ZFYVE26: variants seen among roughly 807,000 people sequenced by gnomAD.
ZFYVE26 encodes the protein zinc finger FYVE-type containing 26, also known as zinc finger FYVE domain-containing protein 26.
Under a neutral mutation model 276.5 loss-of-function variants are expected in ZFYVE26, and 181 were observed. The observed-to-expected ratio is 0.65, with a 90% CI of 0.58 to 0.74. The LOEUF (loss-of-function observed/expected upper bound fraction) is 0.74, where lower values mean the gene tolerates loss of function less well. Ranked by LOEUF, ZFYVE26 falls within the 30% of genes least tolerant of loss-of-function variation. The probability of loss-of-function intolerance (pLI) is 0.00; values close to 1 mark genes in which losing one functional copy is unlikely to be tolerated. For synonymous variants in ZFYVE26, 1,129 were observed against 1,203.1 expected (o/e 0.94, Z 1.27); for missense variants, 2,821 against 3,097.9 (o/e 0.91, Z 2.12).
chr14:67,792,054 T>C (rs1387747738), intron 14 of ZFYVE26, among the ~76,000 whole-genome samples: 2 of 139,854 alleles, frequency 1.4e-5, no homozygotes, highest in Non-Finnish European at 3.1e-5. Flanking sequence ...AGTGAGACTC[T>C]GCTTCAAAAA....
At chr14:67,761,614 T>A in intron 34 of ZFYVE26, 30 bp from the exon 35 acceptor site, 1 of 1,602,364 alleles carries the variant, frequency 6.2e-7, no homozygotes, top group Non-Finnish European at 8.5e-7. Context: ...GAGAGAAAAA[T>A]GAAACTCAAA....
intron 20 of ZFYVE26, among the ~76,000 whole-genome samples, 179 bp downstream of exon 20, chr14:67,784,155 G>A (rs1208283085): frequency 2.0e-5 from 3 of 152,128 alleles, no homozygotes; most frequent in Non-Finnish European, 2.9e-5. Flanking sequence ...TAAAGGTATC[G>A]AGAGAGAAAG....
chr14:67,762,084 G>T (rs1296910230), intron 34 of ZFYVE26, 119 bp downstream of exon 34: 12 of 1,270,204 alleles, frequency 9.4e-6, no homozygotes, highest in Non-Finnish European at 1.2e-5. Flanking sequence ...TTTTTAACCT[G>T]CTTGATGCTG....
At chr14:67,799,114 C>T in intron 10 of ZFYVE26, 2 of 1,339,476 alleles carry the variant, frequency 1.5e-6, no homozygotes, top group South Asian at 2.3e-5. Context: ...AAGACCTAGA[C>T]TAGGAGGCGT....
At chr14:67,764,585 CATT>C (rs1474052208) in intron 32 of ZFYVE26, among the ~76,000 whole-genome samples, 3 of 152,104 alleles carry the variant, frequency 2.0e-5, no homozygotes, top group Non-Finnish European at 4.4e-5. Flanking sequence ...GAGTTAAAAA[CATT>C]AGAAAAATAC....
intron 39 of ZFYVE26, among the ~76,000 whole-genome samples, chr14:67,753,000 T>C (rs962254430): frequency 6.6e-6 from 1 of 152,188 alleles, no homozygotes; most frequent in African/African-American, 2.4e-5. Context: ...CCACAGGGCC[T>C]GGGTGGAGCT....
intron 10 of ZFYVE26, among the ~76,000 whole-genome samples, chr14:67,800,466 A>G (rs762296006): frequency 2.6e-5 from 4 of 152,200 alleles, no homozygotes; most frequent in Non-Finnish European, 4.4e-5. Flanking sequence ...TATGTATTAA[A>G]TATGTCCAGT....
intron 13 of ZFYVE26, among the ~76,000 whole-genome samples, chr14:67,731,997 G>A (rs560742306): frequency 9.9e-5 from 15 of 151,560 alleles, no homozygotes; most frequent in Non-Finnish European, 1.2e-4. Context: ...CATGTTGGTG[G>A]GTGCCTGTAA....
intron 13 of ZFYVE26, among the ~76,000 whole-genome samples, chr14:67,741,087 C>T (rs2038411344): frequency 6.6e-6 from 1 of 152,118 alleles, no homozygotes; most frequent in Admixed American, 6.5e-5. Context: ...AAGAATTTGA[C>T]AAGTTAATGA....
At chr14:67,748,926 C>G (rs1256072939) in intron 41 of ZFYVE26, among the ~76,000 whole-genome samples, 2 of 152,240 alleles carry the variant, frequency 1.3e-5, no homozygotes, top group Non-Finnish European at 2.9e-5. Context: ...CTCTGACACT[C>G]TCCTCCTCAC....
At chr14:67,733,858 G>C in intron 13 of ZFYVE26, 2 of 1,592,694 alleles carry the variant, frequency 1.3e-6, no homozygotes, top group Non-Finnish European at 1.7e-6. Flanking sequence ...GCTGGTGGAA[G>C]AGCTGCAGCT....
intron 13 of ZFYVE26, among the ~76,000 whole-genome samples, chr14:67,735,808 A>T (rs2038345828): frequency 6.6e-6 from 1 of 152,340 alleles, no homozygotes; most frequent in South Asian, 2.1e-4. Flanking sequence ...ATTTCCTAAA[A>T]ATAACACTTC....
chr14:67,785,138 C>T lies in ZFYVE26; in HGVS notation c.3444G>A (p.Gln1148=). 8.1e-6 allele frequency: 13 copies of T among 1,614,222 alleles called. No individual in the cohort carries two copies. The highest frequency in any genetic ancestry group is 1.1e-5 in the Non-Finnish European group (13 of 1,180,036). The change falls in exon 19 of 42, where the codon CAG becomes CAA. Residue 1148 remains glutamine, a synonymous_variant. Transcript: ENST00000347230. ...LGKQTPSGSR[Q]MDYLGTFFSY... ...TGAAGAAGGTGCCCAAGTAGTCCAT[C>T]TGCCTGCTGCCTGATGGGGTCTGTT...
At chr14:67,761,059 A>G in intron 35 of ZFYVE26, 1 of 605,878 alleles carries the variant, frequency 1.7e-6, no homozygotes, top group East Asian at 2.8e-5. Flanking sequence ...CACAAGACTC[A>G]CACTGAGCAT....
intron 35 of ZFYVE26, among the ~76,000 whole-genome samples, chr14:67,758,933 C>T (rs1452879247): frequency 1.3e-5 from 2 of 152,134 alleles, no homozygotes; most frequent in African/African-American, 4.8e-5. Flanking sequence ...CTGCTCCCAA[C>T]AAATATGAAT....
chr14:67,766,727 T>C (rs916230333), intron 31 of ZFYVE26, among the ~76,000 whole-genome samples: 2 of 152,116 alleles, frequency 1.3e-5, no homozygotes, highest in African/African-American at 4.8e-5. Flanking sequence ...TGAAACAGGG[T>C]CTCACTCTGT....
rs1375435297 is a variant in ZFYVE26 at position 67,767,773 on chromosome 14, C to T, written c.5721G>A (p.Glu1907=). 2 of 1,614,070 alleles carry T rather than the reference C, an allele frequency of 1.2e-6. No homozygotes were observed. The highest frequency in any genetic ancestry group is 2.7e-5 in the African/African-American group (2 of 74,916). ...CTTTGAGATCCAAAATCCATTCCAC[C>T]TCATCTGCTTTGGGGACTCTCACCA... The part of the protein sequence containing the change: ...SFVVRVPKAD[E]VEWILDLKEE... The change falls in exon 31 of 42, where the codon GAG becomes GAA. Residue 1907 remains glutamate, a synonymous_variant. Transcript: ENST00000347230.
chr14:67,785,828 T>C (rs2039636218), intron 18 of ZFYVE26, 30 bp downstream of exon 18: 10 of 1,613,876 alleles, frequency 6.2e-6, no homozygotes, highest in Non-Finnish European at 8.5e-6. Flanking sequence ...AGTTCAGCTT[T>C]TATTTGTTCC....
intron 27 of ZFYVE26, among the ~76,000 whole-genome samples, chr14:67,772,599 G>A (rs2039241345): frequency 6.6e-6 from 1 of 151,982 alleles, no homozygotes. Context: ...AAAAGAGGTA[G>A]GGGGGATAAA....
Sources: gnomAD v4.1 joint callset for allele counts (sites outside exome capture counted in the v4.1 genomes callset) on GRCh38, gnomAD v4.1.1 for gene constraint, MANE v1.5 for transcripts, NCBI Gene and HGNC (gene_info 2026-07-23, HGNC 2026-07-21) for gene names.